Variants in EPHA3 observed in about 807,000 individuals in gnomAD.
EPHA3 encodes EPH receptor A3.
In EPHA3, 42 loss-of-function variants were observed where a neutral mutation model predicts 107.1. The ratio of observed to expected loss-of-function variants is 0.39; its 90% CI spans 0.31 to 0.51. The LOEUF is 0.51. EPHA3 is among the 20% of genes least tolerant of loss of function. The probability of loss-of-function intolerance (pLI) is 0.78; values close to 1 mark genes in which losing one functional copy is unlikely to be tolerated. For synonymous variants in EPHA3, 461 were observed against 424.8 expected, an observed-to-expected ratio of 1.09 and a Z score of -1.05; for missense variants, 1,183 against 1,211.2, an observed-to-expected ratio of 0.98 and a Z score of 0.35.
At chr3:89,265,026 G>T (rs563447505) in intron 3 of EPHA3, among the ~76,000 whole-genome samples, 1 of 152,088 alleles carries the variant, frequency 6.6e-6, no homozygotes, top group East Asian at 1.9e-4. Flanking sequence ...ATTCCAGACA[G>T]AATTGCAGAC....
At chr3:89,149,889 A>G (rs1704652011) in intron 2 of EPHA3, among the ~76,000 whole-genome samples, 1 of 151,998 alleles carries the variant, frequency 6.6e-6, no homozygotes, top group Non-Finnish European at 1.5e-5. Context: ...TAGGTCAAAT[A>G]TTCTGCTCTC....
intron 3 of EPHA3, among the ~76,000 whole-genome samples, chr3:89,331,966 G>C (rs751269162): frequency 2.6e-5 from 4 of 152,072 alleles, no homozygotes; most frequent in Non-Finnish European, 5.9e-5. Context: ...ATTCTGAAAA[G>C]CTTCTCCAGG....
intron 15 of EPHA3, among the ~76,000 whole-genome samples, chr3:89,458,826 A>G (rs1477681019): frequency 6.6e-6 from 1 of 152,212 alleles, no homozygotes; most frequent in Admixed American, 6.5e-5. Context: ...TAGCACATAT[A>G]CACCATGGAA....
At chr3:89,414,894 G>A (rs527405438) in intron 10 of EPHA3, among the ~76,000 whole-genome samples, 1 of 151,596 alleles carries the variant, frequency 6.6e-6, no homozygotes, top group Admixed American at 6.6e-5. Context: ...TTAGAATAGA[G>A]CCTCCTTCCT....
At chr3:89,283,975 C>T (rs530465965) in intron 3 of EPHA3, among the ~76,000 whole-genome samples, 19 of 152,034 alleles carry the variant, frequency 1.2e-4, no homozygotes, top group Non-Finnish European at 2.5e-4. Flanking sequence ...AATACAGAGA[C>T]ATTTGTGCAG....
intron 3 of EPHA3, among the ~76,000 whole-genome samples, chr3:89,259,517 G>C (rs534672204): frequency 1.3e-5 from 2 of 152,108 alleles, no homozygotes; most frequent in Non-Finnish European, 2.9e-5. Flanking sequence ...GAAAAGTGGG[G>C]CATGCCATAT....
intron 15 of EPHA3, among the ~76,000 whole-genome samples, chr3:89,467,431 A>T (rs548867461): frequency 9.2e-5 from 14 of 152,332 alleles, no homozygotes; most frequent in African/African-American, 3.4e-4. Flanking sequence ...ATACTTATTC[A>T]TTCAAGAAAT....
intron 1 of EPHA3, among the ~76,000 whole-genome samples, chr3:89,116,232 C>A (rs189063532): frequency 6.6e-6 from 1 of 152,166 alleles, no homozygotes; most frequent in East Asian, 1.9e-4. Context: ...GAATTCCATA[C>A]ATACAGATAG....
intron 5 of EPHA3, among the ~76,000 whole-genome samples, chr3:89,350,555 G>C (rs1326151658): frequency 6.7e-6 from 1 of 149,676 alleles, no homozygotes; most frequent in Non-Finnish European, 1.5e-5. Context: ...CTTTGCCTTT[G>C]GTTTGAATGT....
chr3:89,250,139 C>T (rs975660798), intron 3 of EPHA3, among the ~76,000 whole-genome samples: 17 of 152,292 alleles, frequency 1.1e-4, no homozygotes, highest in South Asian at 2.1e-4. Flanking sequence ...TGAATAAGGA[C>T]GGTCACTTTT....
At chr3:89,296,559 G>C (rs1559636887) in intron 3 of EPHA3, among the ~76,000 whole-genome samples, 2 of 152,210 alleles carry the variant, frequency 1.3e-5, no homozygotes, top group East Asian at 1.9e-4. Flanking sequence ...TGTCATCCAG[G>C]CTTTGTTGTT....
At chr3:89,211,725 TTTCTTCTTCTTCTTCTCCTTCTTCTTC>T (rs1174739725) in intron 3 of EPHA3, among the ~76,000 whole-genome samples, 14,654 of 111,950 alleles carry the variant, frequency 0.13, 1,857 homozygotes, top group Middle Eastern at 0.23. Flanking sequence ...TCTTCTTCTT[TTTCTTCTTCTTCTTCTCCTTCTTCTTC>T]TTCTTCTTCT....
In EPHA3 at chr3:89,211,812, C is replaced by T. The variant is rs867063634; in HGVS notation, c.814+1292C>T. On this transcript the variant is annotated intron_variant, in intron 3 of 16. Coordinates refer to ENST00000336596, the MANE Select transcript of EPHA3 (RefSeq NM_005233.6). ...TCTTCTTCTTCTTCTTCTTCTTCTT[C>T]TTCTTCTCCTTCTCCTCCTCCTCCT... Among the ~76,000 whole-genome samples, 42 of 102,226 alleles carry T rather than the reference C, an allele frequency of 4.1e-4. 1 individual carries two copies. The highest frequency in any genetic ancestry group is 2.1e-3 in the African/African-American group (41 of 19,836). 67.1% of individuals were successfully genotyped at this position (102,226 alleles called of 152,430 possible).
At chr3:89,133,795 G>C (rs893149494) in intron 2 of EPHA3, among the ~76,000 whole-genome samples, 5 of 151,952 alleles carry the variant, frequency 3.3e-5, no homozygotes, top group African/African-American at 1.2e-4. Flanking sequence ...TGGCTTCACC[G>C]GGCTTCAGAA....
chr3:89,415,820 T>C (rs1709236399), intron 10 of EPHA3, among the ~76,000 whole-genome samples: 1 of 151,490 alleles, frequency 6.6e-6, no homozygotes, highest in Non-Finnish European at 1.5e-5. Flanking sequence ...ATAGGTATTA[T>C]TATCTCCATT....
chr3:89,265,130 G>A (rs890576698), intron 3 of EPHA3, among the ~76,000 whole-genome samples: 7 of 151,950 alleles, frequency 4.6e-5, no homozygotes, highest in African/African-American at 1.5e-4. Context: ...AGGTGTTTTG[G>A]CCTAATATAA....
At chr3:89,266,649 T>C (rs572952086) in intron 3 of EPHA3, among the ~76,000 whole-genome samples, 5 of 152,272 alleles carry the variant, frequency 3.3e-5, no homozygotes, top group African/African-American at 1.2e-4. Context: ...ATTGGTAATT[T>C]TAATGCTTTC....
At chr3:89,434,733 G>A (rs765907649) in intron 13 of EPHA3, among the ~76,000 whole-genome samples, 16 of 152,250 alleles carry the variant, frequency 1.1e-4, no homozygotes, top group African/African-American at 3.4e-4. Flanking sequence ...GAAAAGTGTC[G>A]TATGGAAATT....
chr3:89,110,670 G>A (rs776525059), intron 1 of EPHA3, among the ~76,000 whole-genome samples: 23 of 151,944 alleles, frequency 1.5e-4, no homozygotes, highest in South Asian at 1.0e-3. Flanking sequence ...ACTTTTAATG[G>A]GAGATCAGCT....
Sources: allele counts gnomAD v4.1 joint callset (sites outside exome capture counted in the v4.1 genomes callset), GRCh38; gene constraint gnomAD v4.1.1; transcripts MANE v1.5; gene names NCBI Gene and HGNC (gene_info 2026-07-23, HGNC 2026-07-21).